SULT6B1: variants seen among roughly 807,000 people sequenced by gnomAD.
The protein encoded by SULT6B1 is sulfotransferase family 6B member 1, also known as sulfotransferase 6B1.
In SULT6B1, 44 loss-of-function variants were observed where a neutral mutation model predicts 37.2. That is an observed-to-expected ratio of 1.18 (90% CI 0.93 to 1.52). The LOEUF (loss-of-function observed/expected upper bound fraction) is 1.52. Among genes scored for constraint, SULT6B1 ranks in the 40% most tolerant of loss-of-function variants. The pLI is 0.00. For synonymous variants in SULT6B1, 140 were observed against 126.0 expected, an observed-to-expected ratio of 1.11 and a Z score of -0.74; for missense variants, 450 against 361.0, an observed-to-expected ratio of 1.25 and a Z score of -2.00.
intron 6 of SULT6B1, among the ~76,000 whole-genome samples, chr2:37,169,174 C>A (rs1238474489): frequency 6.6e-6 from 1 of 152,128 alleles, no homozygotes; most frequent in East Asian, 1.9e-4. Context: ...TTCTAAATAA[C>A]ACTTAATTAA....
Position 37,171,452 on chromosome 2 carries a change from G to T in SULT6B1, c.763C>A (p.Pro255Thr), listed in dbSNP as rs202039098. 3.7e-6 allele frequency: 6 copies of T among 1,613,712 alleles called. No homozygotes were observed. In the East Asian group the frequency reaches 6.7e-5, roughly 18 times the overall value. The change falls in exon 6 of 7, where the codon CCA (proline) becomes ACA (threonine). Residue 255 changes from proline to threonine, a missense_variant. Physicochemically the swap from Pro to Thr is conservative, Grantham distance 38. Coordinates refer to ENST00000535679, the MANE Select transcript of SULT6B1 (RefSeq NM_001367551.1). ...KSQDTHGAVG[P>T]FLFRKGEVGD... is the part of the protein sequence containing the mutation. ...ACTTTACCTTTGCGGAAAAGGAATGGGCCGACAGCACCGTGTGTGTCCTGA... is the reference window on the plus strand; with the variant it reads ...ACTTTACCTTTGCGGAAAAGGAATGTGCCGACAGCACCGTGTGTGTCCTGA...
intron 6 of SULT6B1, 63 bp from the exon 7 acceptor site, chr2:37,168,128 A>T: frequency 6.9e-7 from 1 of 1,450,880 alleles, no homozygotes. Context: ...TGATTTTACC[A>T]TTTTCAGTGC....
chr2:37,168,304 G>T (rs554240151), intron 6 of SULT6B1, among the ~76,000 whole-genome samples: 1 of 151,976 alleles, frequency 6.6e-6, no homozygotes, highest in Non-Finnish European at 1.5e-5. Flanking sequence ...TGGGATTACC[G>T]GCGCCCGCCA....
rs1214541770 is a variant in SULT6B1 at position 37,182,315 on chromosome 2, G to A, written c.402+1110C>T. Among the ~76,000 whole-genome samples, 8 of 150,686 alleles carry A rather than the reference G, an allele frequency of 5.3e-5. No individual in the cohort carries two copies. The East Asian group carries it at 9.7e-4, about 18-fold the overall frequency. ...GCCGCCCAGGCTGGAGAGCAGTGGC[G>A]AGATTTTGGCTCACTGCAACGTCCG... On this transcript the variant is annotated intron_variant, in intron 3 of 6. Coordinates refer to ENST00000535679, the MANE Select transcript of SULT6B1 (RefSeq NM_001367551.1).
At chr2:37,194,486 C>G (rs181339403) in intron 1 of SULT6B1, 1 of 410,160 alleles carries the variant, frequency 2.4e-6, no homozygotes, top group Non-Finnish European at 4.7e-6. Context: ...CAGCTGCACG[C>G]GGATACGGTA....
At chr2:37,186,251 G>C (rs1400299165) in intron 2 of SULT6B1, among the ~76,000 whole-genome samples, 1 of 152,176 alleles carries the variant, frequency 6.6e-6, no homozygotes, top group African/African-American at 2.4e-5. Flanking sequence ...ACTGCTGAAA[G>C]TTTTACTGAG....
intron 5 of SULT6B1, among the ~76,000 whole-genome samples, chr2:37,172,797 C>T (rs183962607): frequency 7.2e-5 from 11 of 152,096 alleles, no homozygotes; most frequent in East Asian, 3.9e-4. Flanking sequence ...CGTGAGCCGC[C>T]GTGCCTGGCC....
chr2:37,187,248 G>T, intron 2 of SULT6B1, 107 bp downstream of exon 2: 1 of 710,630 alleles, frequency 1.4e-6, no homozygotes, highest in Non-Finnish European at 2.5e-6. Flanking sequence ...GTAAATTGTG[G>T]TAATTATTAG....
At chr2:37,183,619 AC>A in intron 2 of SULT6B1, 105 bp from the exon 3 acceptor site, 3 of 784,024 alleles carry the variant, frequency 3.8e-6, no homozygotes, top group Non-Finnish European at 2.1e-6. Flanking sequence ...TTCTAGCACT[AC>A]TGTCACTATA....
At chr2:37,173,759 C>G (rs1181425218) in intron 5 of SULT6B1, among the ~76,000 whole-genome samples, 1 of 152,198 alleles carries the variant, frequency 6.6e-6, no homozygotes, top group Non-Finnish European at 1.5e-5. Flanking sequence ...AGAATCCAAC[C>G]TCTTCTCATC....
intron 3 of SULT6B1, among the ~76,000 whole-genome samples, chr2:37,180,739 C>T (rs1572461199): frequency 6.6e-6 from 1 of 152,068 alleles, no homozygotes; most frequent in Admixed American, 6.6e-5. Flanking sequence ...CAAAAATTAG[C>T]CAGGCGCAGT....
upstream of SULT6B1, among the ~76,000 whole-genome samples, chr2:37,190,267 C>G (rs1251127976): frequency 6.6e-6 from 1 of 152,144 alleles, no homozygotes; most frequent in East Asian, 1.9e-4. Context: ...CATTCTCTTC[C>G]CCACATCTTT....
chr2:37,168,370 C>A (rs1329006148), intron 6 of SULT6B1, among the ~76,000 whole-genome samples: 1 of 152,144 alleles, frequency 6.6e-6, no homozygotes, highest in African/African-American at 2.4e-5. Context: ...GCTGGCCAGG[C>A]TTGTCTCGAA....
upstream of SULT6B1, among the ~76,000 whole-genome samples, chr2:37,191,999 G>A (rs1024389866): frequency 1.3e-5 from 2 of 152,182 alleles, no homozygotes; most frequent in South Asian, 2.1e-4. Flanking sequence ...GCCCAGCAGC[G>A]GGCTGAGTGT....
chr2:37,167,851 A>G lies in SULT6B1; in HGVS notation c.*84T>C. 1 of 1,182,902 alleles carries G rather than the reference A, an allele frequency of 8.5e-7. No individual in the cohort carries two copies. The highest frequency in any genetic ancestry group is 1.1e-6 in the Non-Finnish European group (1 of 873,754). 73.3% of individuals were successfully genotyped at this position (1,182,902 alleles called of 1,614,324 possible). On this transcript the variant is annotated 3_prime_UTR_variant, in exon 7 of 7. Transcript: ENST00000535679. Reference sequence around the variant, plus strand: ...TTCAATATTGTTTAATTATTATTTGATTATTTGATTGAATTATCATTTAAT... The same window carrying G: ...TTCAATATTGTTTAATTATTATTTGGTTATTTGATTGAATTATCATTTAAT...
At chr2:37,184,786 C>T (rs1005435970) in intron 2 of SULT6B1, among the ~76,000 whole-genome samples, 2 of 151,672 alleles carry the variant, frequency 1.3e-5, no homozygotes, top group African/African-American at 4.8e-5. Flanking sequence ...GAGCTGAGAT[C>T]GCGCCACTGC....
chr2:37,177,938 A>G (rs1180937900), intron 4 of SULT6B1, among the ~76,000 whole-genome samples: 1 of 152,120 alleles, frequency 6.6e-6, no homozygotes, highest in East Asian at 1.9e-4. Flanking sequence ...CATCTATTAC[A>G]CCGTACAGAC....
chr2:37,173,244 A>C lies in SULT6B1; in HGVS notation c.625-1654T>G, dbSNP rs1205951808. 5.3e-5 allele frequency among the ~76,000 whole-genome samples: 8 copies of C among 152,260 alleles called. 1 individual carries two copies. The highest frequency in any genetic ancestry group is 1.9e-4 in the African/African-American group (8 of 41,562). ...GAGCACTTGATACTCCCTTCTCTTT[A>C]ACATGCTTTCTCCACAGGATTCTGC... On this transcript the variant is annotated intron_variant, in intron 5 of 6. Coordinates refer to ENST00000535679, the MANE Select transcript of SULT6B1 (RefSeq NM_001367551.1).
chr2:37,192,286 A>G (rs962224988), upstream of SULT6B1, among the ~76,000 whole-genome samples: 1 of 152,208 alleles, frequency 6.6e-6, no homozygotes, highest in African/African-American at 2.4e-5. Flanking sequence ...AGGAAATTCT[A>G]TATGTCAACA....
Sources: allele counts gnomAD v4.1 joint callset (sites outside exome capture counted in the v4.1 genomes callset), GRCh38; gene constraint gnomAD v4.1.1; transcripts MANE v1.5; gene names NCBI Gene and HGNC (gene_info 2026-07-23, HGNC 2026-07-21).